RSU1: variants seen among roughly 807,000 people sequenced by gnomAD.
RSU1 encodes the protein rsu-1.
RSU1 carries 26 observed loss-of-function variants against 31.1 expected under a neutral mutation model. The observed-to-expected ratio is 0.84, with a 90% CI of 0.61 to 1.16. The LOEUF (loss-of-function observed/expected upper bound fraction) is 1.16, where lower values mean the gene tolerates loss of function less well. Among genes scored for constraint, RSU1 ranks in the 50% most tolerant of loss-of-function variants. The probability of loss-of-function intolerance (pLI) is 0.00; values close to 1 mark genes in which losing one functional copy is unlikely to be tolerated. For missense variants in RSU1, 320 were observed against 339.1 expected, an observed-to-expected ratio of 0.94 and a Z score of 0.44; for synonymous variants, 164 against 136.3, an observed-to-expected ratio of 1.20 and a Z score of -1.41.
intron 4 of RSU1, among the ~76,000 whole-genome samples, chr10:16,762,246 T>C (rs9919380): frequency 0.015 from 2,265 of 152,080 alleles, 61 homozygotes; most frequent in African/African-American, 0.052. Flanking sequence ...TAACTAATAC[T>C]AGGTACTGCT....
intron 2 of RSU1, among the ~76,000 whole-genome samples, chr10:16,802,414 G>T (rs561325870): frequency 7.9e-5 from 12 of 152,132 alleles, no homozygotes; most frequent in African/African-American, 2.4e-4. Context: ...GTCTATTAAA[G>T]AAATTGAATC....
At chr10:16,634,693 T>C (rs1335903039) in intron 8 of RSU1, among the ~76,000 whole-genome samples, 1 of 152,180 alleles carries the variant, frequency 6.6e-6, no homozygotes, top group Admixed American at 6.5e-5. Flanking sequence ...TTTGGCACAA[T>C]TCCACCAAAA....
chr10:16,720,489 T>C (rs926657280), intron 7 of RSU1, among the ~76,000 whole-genome samples: 3 of 152,224 alleles, frequency 2.0e-5, no homozygotes, highest in Non-Finnish European at 2.9e-5. Flanking sequence ...ATGTATAATA[T>C]TAACAATAAT....
intron 7 of RSU1, among the ~76,000 whole-genome samples, chr10:16,741,803 C>G (rs1449177712): frequency 2.2e-4 from 33 of 152,174 alleles, no homozygotes; most frequent in Admixed American, 2.2e-3. Flanking sequence ...AAAGGTTACT[C>G]TAGCAACCCA....
rs527371248 is a variant in RSU1, at chr10:16,712,325, T to C, written c.599-17170A>G. ...TAAATTTGAGACTTTAATCCATTTA[T>C]ATTCAAGGTCATATCAATAAAAATT... is the stretch of plus-strand genomic sequence containing the variant. On this transcript the variant is annotated intron_variant, in intron 7 of 8. Coordinates refer to ENST00000345264, the MANE Select transcript of RSU1 (RefSeq NM_012425.4). Among the ~76,000 whole-genome samples the C allele has an allele frequency of 3.9e-5, 6 of 152,294 alleles. No individual in the cohort carries two copies. The South Asian group carries it at 1.0e-3, about 26-fold the overall frequency.
intron 2 of RSU1, among the ~76,000 whole-genome samples, chr10:16,807,393 A>C (rs933886998): frequency 3.9e-5 from 6 of 152,238 alleles, no homozygotes; most frequent in Admixed American, 2.6e-4. Context: ...GGTTTATTCT[A>C]TTTGATACAT....
chr10:16,721,217 C>G (rs1436091722), intron 7 of RSU1: 1 of 152,112 alleles, frequency 6.6e-6, no homozygotes, highest in Non-Finnish European at 1.5e-5. Flanking sequence ...AGTGAAGAGG[C>G]TCGGAATGAC....
rs886885977 is a variant in RSU1, at chr10:16,717,183, T to C, written c.599-22028A>G. Among the ~76,000 whole-genome samples, 5 of 152,342 alleles carry C rather than the reference T, an allele frequency of 3.3e-5. 1 individual carries two copies. The East Asian group carries it at 5.8e-4, about 18-fold the overall frequency. ...ATGTAAAAATGGCTTGTTTCAGCTTTGCTTCCCGCTCTGGGGCTTATATTT... is the reference window on the plus strand; with the variant it reads ...ATGTAAAAATGGCTTGTTTCAGCTTCGCTTCCCGCTCTGGGGCTTATATTT... On this transcript the variant is annotated intron_variant, in intron 7 of 8. Coordinates refer to ENST00000345264, the MANE Select transcript of RSU1 (RefSeq NM_012425.4).
chr10:16,725,029 G>T (rs1413197420), intron 7 of RSU1, among the ~76,000 whole-genome samples: 1 of 152,226 alleles, frequency 6.6e-6, no homozygotes, highest in African/African-American at 2.4e-5. Context: ...CCTGCCTAAT[G>T]ACTGAAAGGA....
At chr10:16,631,792 A>T (rs1408866651) in intron 8 of RSU1, among the ~76,000 whole-genome samples, 3 of 152,184 alleles carry the variant, frequency 2.0e-5, no homozygotes, top group Non-Finnish European at 4.4e-5. Flanking sequence ...TAAGGAGTGC[A>T]CACCTCTTGT....
intron 2 of RSU1, among the ~76,000 whole-genome samples, chr10:16,801,760 C>T (rs1161758034): frequency 6.6e-6 from 1 of 151,950 alleles, no homozygotes; most frequent in African/African-American, 2.4e-5. Flanking sequence ...AACATCTGGA[C>T]ATTAACAACA....
At chr10:16,765,066 C>G (rs1366928296) in intron 3 of RSU1, among the ~76,000 whole-genome samples, 1 of 151,954 alleles carries the variant, frequency 6.6e-6, no homozygotes, top group Admixed American at 6.6e-5. Flanking sequence ...TATTATGAAG[C>G]ATATATACTT....
intron 8 of RSU1, among the ~76,000 whole-genome samples, chr10:16,622,333 T>A (rs1347404498): frequency 1.3e-5 from 2 of 152,214 alleles, no homozygotes; most frequent in Non-Finnish European, 2.9e-5. Flanking sequence ...CCAAGGTTTC[T>A]TTTTCTGAAG....
At chr10:16,807,314 C>T (rs1588549585) in intron 2 of RSU1, among the ~76,000 whole-genome samples, 1 of 152,230 alleles carries the variant, frequency 6.6e-6, no homozygotes, top group Non-Finnish European at 1.5e-5. Context: ...TGCAAAGAAA[C>T]GGATGAAATA....
intron 7 of RSU1, among the ~76,000 whole-genome samples, chr10:16,713,522 G>T (rs184710991): frequency 6.6e-6 from 1 of 152,008 alleles, no homozygotes; most frequent in Non-Finnish European, 1.5e-5. Flanking sequence ...TAATTCCTCA[G>T]CTCCAAGATT....
At chr10:16,716,324 G>A (rs1468600086) in intron 7 of RSU1, among the ~76,000 whole-genome samples, 1 of 152,104 alleles carries the variant, frequency 6.6e-6, no homozygotes, top group Non-Finnish European at 1.5e-5. Flanking sequence ...TTGGAGTTGA[G>A]GTGTTATATT....
chr10:16,681,798 T>A (rs1255473309), intron 8 of RSU1, among the ~76,000 whole-genome samples: 6 of 152,222 alleles, frequency 3.9e-5, no homozygotes, highest in African/African-American at 1.4e-4. Context: ...CATATATATG[T>A]GCTGTATGTT....
At chr10:16,747,281 C>T (rs1836874881) in intron 7 of RSU1, among the ~76,000 whole-genome samples, 1 of 152,200 alleles carries the variant, frequency 6.6e-6, no homozygotes, top group Non-Finnish European at 1.5e-5. Context: ...TAAATGTATG[C>T]TGATAATGCC....
intron 7 of RSU1, chr10:16,721,305 C>A (rs80137520): frequency 0.037 from 5,639 of 152,356 alleles, 358 homozygotes; most frequent in African/African-American, 0.13. Flanking sequence ...AAAGCAAAAA[C>A]CACAATGCAA....
Sources: gnomAD v4.1 joint callset for allele counts (sites outside exome capture counted in the v4.1 genomes callset) on GRCh38, gnomAD v4.1.1 for gene constraint, MANE v1.5 for transcripts, NCBI Gene and HGNC (gene_info 2026-07-23, HGNC 2026-07-21) for gene names.